KDM4C: variants seen among roughly 807,000 people sequenced by gnomAD.
The protein encoded by KDM4C is lysine demethylase 4C.
KDM4C carries 81 observed loss-of-function variants against 129.3 expected under a neutral mutation model. That is an observed-to-expected ratio of 0.63 (90% confidence interval 0.52 to 0.75). KDM4C has a LOEUF of 0.75. Ranked by LOEUF, KDM4C falls within the 30% of genes least tolerant of loss-of-function variation. The pLI, the probability that KDM4C is intolerant of heterozygous loss-of-function variation, is 0.00. For missense variants in KDM4C, 1,457 were observed against 1,304.0 expected (o/e 1.12, Z -1.81); for synonymous variants, 573 against 456.1 (o/e 1.26, Z -3.26).
Position 6,742,577 on chromosome 9 carries a change from C to G in KDM4C, c.49+21580C>G, listed in dbSNP as rs888840018. On this transcript the variant is annotated intron_variant, in intron 1 of 17. Coordinates refer to the KDM4C transcript ENST00000536108. The stretch of plus-strand genomic sequence containing the variant: ...CTTCAACTTTTTTTTTTTTTTTGTA[C>G]TGCACTTTTTCTCCTTTCCTTCTGG... 2.9e-4 allele frequency among the ~76,000 whole-genome samples: 38 copies of G among 132,540 alleles called. No individual in the cohort carries two copies. The Admixed American group carries it at 2.9e-3, about 10-fold the overall frequency. The allele number at this position is 132,540 out of a possible 152,430, so 87.0% of individuals were successfully genotyped here.
chr9:6,938,135 G>A (rs528634937), intron 8 of KDM4C, among the ~76,000 whole-genome samples: 38 of 152,274 alleles, frequency 2.5e-4, no homozygotes, highest in African/African-American at 8.9e-4. Flanking sequence ...GTATGCTCCA[G>A]ATCACCTGCA....
At chr9:7,030,521 G>C (rs956879112) in intron 15 of KDM4C, among the ~76,000 whole-genome samples, 5 of 152,130 alleles carry the variant, frequency 3.3e-5, no homozygotes, top group African/African-American at 9.7e-5. Context: ...CTGCTCTGGT[G>C]GGGGATGTTG....
chr9:6,841,003 A>G lies in KDM4C; in HGVS notation c.436-8504A>G, dbSNP rs73639380. ...GGTGATGGCATTTTTGTGGTGGAAGAAAGACTGTAGTCCTGCCCATCTGTA... is the reference window on the plus strand; with the variant it reads ...GGTGATGGCATTTTTGTGGTGGAAGGAAGACTGTAGTCCTGCCCATCTGTA... On this transcript the variant is annotated intron_variant, in intron 4 of 21. Coordinates refer to ENST00000381309, the MANE Select transcript of KDM4C (RefSeq NM_015061.6). 9.2e-3 allele frequency among the ~76,000 whole-genome samples: 1,399 copies of G among 152,320 alleles called. 19 individuals are homozygous for G. Among genetic ancestry groups the G allele is most frequent in the African/African-American group, 0.031 (1,292 of 41,554 alleles).
Position 6,774,809 on chromosome 9 carries a change from T to G in KDM4C, c.-18+16606T>G, listed in dbSNP as rs566412015. On this transcript the variant is annotated intron_variant, in intron 1 of 21. Coordinates refer to ENST00000381309, the MANE Select transcript of KDM4C (RefSeq NM_015061.6). ...ATAGTTCTATGAATTCACCCAGATA[T>G]CACTGTATGTTTCTCTTCTATCTCA... 1.1e-3 allele frequency among the ~76,000 whole-genome samples: 173 copies of G among 152,346 alleles called. 1 individual carries two copies. Among genetic ancestry groups the G allele is most frequent in the Non-Finnish European group, 1.0e-3 (69 of 68,040 alleles).
intron 15 of KDM4C, among the ~76,000 whole-genome samples, chr9:7,026,636 T>C (rs1489037141): frequency 6.6e-6 from 1 of 152,130 alleles, no homozygotes; most frequent in Non-Finnish European, 1.5e-5. Flanking sequence ...ATTCCCTAGG[T>C]TTGGGAAATT....
At chr9:6,815,558 A>AC (rs1831929151) in intron 4 of KDM4C, among the ~76,000 whole-genome samples, 3 of 152,152 alleles carry the variant, frequency 2.0e-5, no homozygotes, top group Non-Finnish European at 4.4e-5. Context: ...GAAAGGTGGA[A>AC]CTAGTGCAAT....
chr9:6,975,381 G>T (rs1184435487), intron 8 of KDM4C, among the ~76,000 whole-genome samples: 1 of 152,218 alleles, frequency 6.6e-6, no homozygotes, highest in Non-Finnish European at 1.5e-5. Flanking sequence ...ATGGAAAAAT[G>T]TGGCCATTTA....
At chr9:6,901,083 C>A (rs948879788) in intron 8 of KDM4C, among the ~76,000 whole-genome samples, 3 of 151,924 alleles carry the variant, frequency 2.0e-5, no homozygotes, top group Non-Finnish European at 2.9e-5. Context: ...ATGGTGACTG[C>A]AGAAGAAGGC....
chr9:7,071,669 A>G (rs897946373), intron 17 of KDM4C, among the ~76,000 whole-genome samples: 1 of 152,230 alleles, frequency 6.6e-6, no homozygotes, highest in African/African-American at 2.4e-5. Flanking sequence ...TAAAACTTAT[A>G]GAAGAAAATC....
chr9:6,733,979 G>A (rs963263979), intron 1 of KDM4C, among the ~76,000 whole-genome samples: 2 of 152,110 alleles, frequency 1.3e-5, no homozygotes, highest in African/African-American at 4.8e-5. Flanking sequence ...CGTCTTTACT[G>A]CAGCCTGTTT....
Position 6,835,041 on chromosome 9 carries a change from C to G in KDM4C, c.436-14466C>G, listed in dbSNP as rs1371195483. ...TCATGAAGATCCTTACCGAGCGTGG[C>G]TACAGCTTCACCACCACGGCTGAGT... is the stretch of plus-strand genomic sequence containing the variant. On this transcript the variant is annotated intron_variant, in intron 4 of 21. Coordinates refer to ENST00000381309, the MANE Select transcript of KDM4C (RefSeq NM_015061.6). 10 of 946,574 alleles carry G rather than the reference C, an allele frequency of 1.1e-5. No homozygotes were observed. In the East Asian group the frequency reaches 2.4e-4, roughly 23 times the overall value. 58.6% of individuals were successfully genotyped at this position (946,574 alleles called of 1,614,324 possible). A position where few individuals can be genotyped will look rare whatever the true frequency, so the allele number is the denominator to read the frequency against.
At chr9:6,895,552 G>T (rs1272218230) in intron 8 of KDM4C, among the ~76,000 whole-genome samples, 9 of 152,154 alleles carry the variant, frequency 5.9e-5, no homozygotes, top group Admixed American at 5.9e-4. Context: ...GGGGGTGCAG[G>T]AGGGGAAGCA....
intron 8 of KDM4C, among the ~76,000 whole-genome samples, chr9:6,908,147 C>G (rs1050816193): frequency 6.6e-6 from 1 of 152,034 alleles, no homozygotes; most frequent in African/African-American, 2.4e-5. Flanking sequence ...GTAGTAAGGG[C>G]TATTTATACT....
intron 19 of KDM4C, among the ~76,000 whole-genome samples, chr9:7,148,465 A>G (rs1013669653): frequency 6.6e-6 from 1 of 152,036 alleles, no homozygotes; most frequent in East Asian, 1.9e-4. Flanking sequence ...AGCAGTGGAG[A>G]ACAGGAGGGC....
At chr9:6,854,020 C>T (rs530596335) in intron 5 of KDM4C, among the ~76,000 whole-genome samples, 1 of 152,090 alleles carries the variant, frequency 6.6e-6, no homozygotes, top group African/African-American at 2.4e-5. Flanking sequence ...ATTTTAATAA[C>T]CATGAAAATA....
intron 17 of KDM4C, among the ~76,000 whole-genome samples, chr9:7,054,124 C>G (rs56348300): frequency 0.16 from 24,134 of 152,208 alleles, 2,606 homozygotes; most frequent in South Asian, 0.4. Context: ...AGCACCTTCT[C>G]TGTTCACCAA....
At chr9:6,887,576 C>G (rs1410902177) in intron 6 of KDM4C, among the ~76,000 whole-genome samples, 1 of 152,112 alleles carries the variant, frequency 6.6e-6, no homozygotes, top group Non-Finnish European at 1.5e-5. Context: ...TTTTTTTCCC[C>G]TGTATTTTTA....
intron 4 of KDM4C, among the ~76,000 whole-genome samples, chr9:6,845,270 G>T: frequency 6.6e-6 from 1 of 152,156 alleles, no homozygotes. Flanking sequence ...CAGGAGTGCA[G>T]TGGCGCAATC....
intron 18 of KDM4C, among the ~76,000 whole-genome samples, chr9:7,111,955 G>A (rs1838368271): frequency 6.6e-6 from 1 of 152,034 alleles, no homozygotes; most frequent in African/African-American, 2.4e-5. Flanking sequence ...GTGAGGAGAA[G>A]ATTGTTTTGG....
Sources: allele counts gnomAD v4.1 joint callset (sites outside exome capture counted in the v4.1 genomes callset), GRCh38; gene constraint gnomAD v4.1.1; transcripts MANE v1.5; gene names NCBI Gene and HGNC (gene_info 2026-07-23, HGNC 2026-07-21).